Variants in NPEPPS observed in about 807,000 individuals in gnomAD.
NPEPPS encodes puromycin-sensitive aminopeptidase.
Under a neutral mutation model 115.5 loss-of-function variants are expected in NPEPPS, and 14 were observed. That is an observed-to-expected ratio of 0.12 (90% confidence interval 0.08 to 0.19). The LOEUF (loss-of-function observed/expected upper bound fraction) is 0.19, where lower values mean the gene tolerates loss of function less well. Ranked by LOEUF, NPEPPS falls within the 10% of genes least tolerant of loss-of-function variation. NPEPPS has a pLI of 1.00. For synonymous variants in NPEPPS, 285 were observed against 390.6 expected (o/e 0.73, Z 3.19); for missense variants, 523 against 1,110.8 (o/e 0.47, Z 7.52).
In NPEPPS at chr17:47,609,801, T is replaced by G. The variant is rs555573543; in HGVS notation, c.2096-2659T>G. Reference sequence around the variant, plus strand: ...TAATATTTATCTCTTCTATTTTATATACATAGAATCATACAATGTGTGTTC... The same window carrying G: ...TAATATTTATCTCTTCTATTTTATAGACATAGAATCATACAATGTGTGTTC... On this transcript the variant is annotated intron_variant, in intron 17 of 22. Transcript: ENST00000322157. Among the ~76,000 whole-genome samples, 7 of 152,330 alleles carry G rather than the reference T, an allele frequency of 4.6e-5. 1 individual carries two copies. The highest frequency in any genetic ancestry group is 3.4e-3 in the Middle Eastern group (1 of 294).
intron 1 of NPEPPS, among the ~76,000 whole-genome samples, chr17:47,541,521 C>T (rs2611955): frequency 1.3e-5 from 2 of 151,982 alleles, no homozygotes; most frequent in African/African-American, 4.8e-5. Context: ...GGATTACAGG[C>T]GCCTGCCACC....
intron 13 of NPEPPS, 88 bp from the exon 14 acceptor site, chr17:47,599,588 A>G: frequency 2.0e-6 from 2 of 980,096 alleles, no homozygotes; most frequent in African/African-American, 1.6e-5. Flanking sequence ...CATTTGTCAC[A>G]GAAATGTTGT....
At chr17:47,576,001 C>T (rs376110789) in intron 3 of NPEPPS, among the ~76,000 whole-genome samples, 47 of 152,184 alleles carry the variant, frequency 3.1e-4, no homozygotes, top group East Asian at 2.7e-3. Flanking sequence ...TTTTTCAAGA[C>T]GGATTGCACA....
chr17:47,552,154 T>G (rs1241922295), intron 2 of NPEPPS, among the ~76,000 whole-genome samples: 1 of 151,292 alleles, frequency 6.6e-6, no homozygotes, highest in African/African-American at 2.4e-5. Flanking sequence ...TTTGTAGAGA[T>G]GGGGTTTTGC....
intron 1 of NPEPPS, among the ~76,000 whole-genome samples, chr17:47,539,698 A>G (rs1380865098): frequency 2.0e-5 from 3 of 152,162 alleles, no homozygotes; most frequent in Non-Finnish European, 4.4e-5. Context: ...TCACATACCA[A>G]TATTCTGTGC....
At chr17:47,553,610 CTA>C (rs1471881699) in intron 2 of NPEPPS, among the ~76,000 whole-genome samples, 1 of 152,028 alleles carries the variant, frequency 6.6e-6, no homozygotes, top group Non-Finnish European at 1.5e-5. Context: ...CTTATATATG[CTA>C]TGTTTTTCCC....
intron 2 of NPEPPS, among the ~76,000 whole-genome samples, chr17:47,552,711 A>G (rs187835633): frequency 6.6e-6 from 1 of 152,316 alleles, no homozygotes; most frequent in East Asian, 1.9e-4. Context: ...ATTGCTGACT[A>G]TAGAGGGAAC....
chr17:47,534,282 A>G (rs1908030258), intron 1 of NPEPPS, among the ~76,000 whole-genome samples: 1 of 151,962 alleles, frequency 6.6e-6, no homozygotes, highest in Non-Finnish European at 1.5e-5. Context: ...TAGTAGAGAC[A>G]GGGTTTTACT....
intron 19 of NPEPPS, among the ~76,000 whole-genome samples, chr17:47,616,119 T>C (rs1914182996): frequency 6.6e-6 from 1 of 152,144 alleles, no homozygotes; most frequent in South Asian, 2.1e-4. Flanking sequence ...AAATTATCTG[T>C]CCACCCATCT....
chr17:47,574,977 C>G (rs1911424300), intron 3 of NPEPPS, among the ~76,000 whole-genome samples: 1 of 152,142 alleles, frequency 6.6e-6, no homozygotes, highest in Admixed American at 6.6e-5. Flanking sequence ...AATAATTTGT[C>G]CAAGGTAACA....
chr17:47,529,498 G>A (rs1248730883), upstream of NPEPPS, among the ~76,000 whole-genome samples: 5 of 148,870 alleles, frequency 3.4e-5, no homozygotes, highest in Non-Finnish European at 3.0e-5. Flanking sequence ...TCCGCCTCCC[G>A]GGTTCAAGCG....
intron 9 of NPEPPS, among the ~76,000 whole-genome samples, chr17:47,590,006 CTCT>C (rs1912403816): frequency 6.6e-6 from 1 of 151,090 alleles, no homozygotes; most frequent in Non-Finnish European, 1.5e-5. Context: ...TTTTTTTTCC[CTCT>C]TCTTCCTTTT....
intron 2 of NPEPPS, among the ~76,000 whole-genome samples, chr17:47,549,051 A>G (rs1305073408): frequency 2.6e-5 from 4 of 151,984 alleles, no homozygotes; most frequent in Admixed American, 6.6e-5. Context: ...TAGATACATA[A>G]TATATATTCA....
At chr17:47,560,401 A>T (rs1910351968) in intron 2 of NPEPPS, among the ~76,000 whole-genome samples, 1 of 152,214 alleles carries the variant, frequency 6.6e-6, no homozygotes, top group African/African-American at 2.4e-5. Context: ...TATTTGGCAC[A>T]TGCTCATTCT....
upstream of NPEPPS, among the ~76,000 whole-genome samples, chr17:47,527,836 C>T (rs563329351): frequency 5.9e-5 from 9 of 151,860 alleles, no homozygotes; most frequent in African/African-American, 2.2e-4. Context: ...ATAATCCCAG[C>T]TACTTAGGAG....
At chr17:47,613,834 T>C (rs956394523) in intron 19 of NPEPPS, 109 bp downstream of exon 19, 9 of 739,828 alleles carry the variant, frequency 1.2e-5, no homozygotes, top group Non-Finnish European at 1.8e-5. Flanking sequence ...GAAAGATGCA[T>C]ATTGTAGACA....
chr17:47,537,616 T>G (rs1285452512), intron 1 of NPEPPS, among the ~76,000 whole-genome samples: 1 of 151,342 alleles, frequency 6.6e-6, no homozygotes, highest in Non-Finnish European at 1.5e-5. Context: ...TTGCTTGAAC[T>G]CGGGAAGCGG....
chr17:47,592,973 C>G lies in NPEPPS; in HGVS notation c.1426+428C>G, dbSNP rs180717655. Among the ~76,000 whole-genome samples the G allele has an allele frequency of 1.7e-3, 261 of 152,146 alleles. 2 individuals are homozygous for G. The highest frequency in any genetic ancestry group is 2.3e-3 in the Non-Finnish European group (155 of 68,002). ...CCTGTGTTCAAGTGTTCTCATTGTT[C>G]AATTCCCACCCAAAATCTGAAACTT... On this transcript the variant is annotated intron_variant, in intron 12 of 22. Coordinates refer to ENST00000322157, the MANE Select transcript of NPEPPS (RefSeq NM_006310.4).
At position 47,592,158 on chromosome 17, in the gene NPEPPS, A is replaced by T. The variant is rs3865314; in HGVS notation, c.1365+98A>T. 109 of 646,782 alleles carry T rather than the reference A, an allele frequency of 1.7e-4. 1 individual carries two copies. The Middle Eastern group carries it at 2.9e-3, about 17-fold the overall frequency. 40.1% of individuals were successfully genotyped at this position (646,782 alleles called of 1,614,324 possible). A position where few individuals can be genotyped will look rare whatever the true frequency, so the allele number is the denominator to read the frequency against. ...CTTTATTTGGATTAAGTTCCCAAAT[A>T]GTTTCTGGCTTGTCATTTTTTTTTA... On this transcript the variant is annotated intron_variant, in intron 11 of 22. Transcript: ENST00000322157.
Sources: gnomAD v4.1 joint callset for allele counts (sites outside exome capture counted in the v4.1 genomes callset) on GRCh38, gnomAD v4.1.1 for gene constraint, MANE v1.5 for transcripts, NCBI Gene and HGNC (gene_info 2026-07-23, HGNC 2026-07-21) for gene names.